The following CLDN16 variants were observed in gnomAD, a reference collection of about 807,000 sequenced individuals.
CLDN16 encodes the protein claudin 16, also known as claudin-16.
A neutral mutation model predicts 24.6 loss-of-function variants in CLDN16; 13 were observed. That is an observed-to-expected ratio of 0.53 (90% CI 0.34 to 0.84). The LOEUF (loss-of-function observed/expected upper bound fraction) is 0.84, where lower values mean the gene tolerates loss of function less well. Ranked by LOEUF, CLDN16 falls within the 40% of genes least tolerant of loss-of-function variation. The pLI, the probability that CLDN16 is intolerant of heterozygous loss-of-function variation, is 0.01. For missense variants in CLDN16, 298 were observed against 292.7 expected, an observed-to-expected ratio of 1.02 and a Z score of -0.13; for synonymous variants, 116 against 106.7, an observed-to-expected ratio of 1.09 and a Z score of -0.54.
chr3:190,399,602 A>G (rs1236548388), intron 1 of CLDN16, among the ~76,000 whole-genome samples: 1 of 152,236 alleles, frequency 6.6e-6, no homozygotes, highest in African/African-American at 2.4e-5. Flanking sequence ...ATGTTTTGAT[A>G]CATATAATGT....
At chr3:190,290,678 C>A in the CLDN16 span, among the ~76,000 whole-genome samples, 1 of 152,070 alleles carries the variant, frequency 6.6e-6, no homozygotes, top group African/African-American at 2.4e-5. Flanking sequence ...GTAATACAAC[C>A]TTTATCTTAC....
intron 2 of CLDN16, 70 bp from the exon 3 acceptor site, chr3:190,404,692 G>C: frequency 6.7e-7 from 1 of 1,491,114 alleles, no homozygotes; most frequent in Non-Finnish European, 9.3e-7. Context: ...TGTTTTTTTT[G>C]CTATGTCTCT....
chr3:190,357,424 A>G (rs138865493), intron 1 of CLDN16, among the ~76,000 whole-genome samples: 2 of 151,878 alleles, frequency 1.3e-5, no homozygotes, highest in Non-Finnish European at 2.9e-5. Context: ...TGCCTGGATT[A>G]ACATAACAAC....
At chr3:190,387,902 C>G, upstream of CLDN16, 1 of 583,434 alleles carries the variant, frequency 1.7e-6, no homozygotes, top group South Asian at 2.0e-5. Flanking sequence ...GAATAGCTCA[C>G]TCTCCCTAGA....
intron 4 of CLDN16, 114 bp from the exon 5 acceptor site, chr3:190,409,789 C>A: frequency 1.0e-6 from 1 of 965,844 alleles, no homozygotes. Flanking sequence ...CAAAATGATA[C>A]CTTCTTTGAG....
At chr3:190,390,550 AG>A (rs1718624194) in intron 1 of CLDN16, among the ~76,000 whole-genome samples, 1 of 152,018 alleles carries the variant, frequency 6.6e-6, no homozygotes, top group Non-Finnish European at 1.5e-5. Flanking sequence ...AAGAAGAAGA[AG>A]AAGAACCCTG....
intron 3 of CLDN16, among the ~76,000 whole-genome samples, chr3:190,406,552 G>C (rs1020141950): frequency 4.6e-5 from 7 of 152,058 alleles, no homozygotes; most frequent in African/African-American, 1.7e-4. Flanking sequence ...TAAATTGAAA[G>C]ACAAAGCATG....
chr3:190,393,458 A>C (rs1718730408), intron 1 of CLDN16, among the ~76,000 whole-genome samples: 1 of 152,222 alleles, frequency 6.6e-6, no homozygotes, highest in Admixed American at 6.5e-5. Flanking sequence ...TTTCCTATTC[A>C]GTAATGAGAG....
In CLDN16 at chr3:190,410,105, A is replaced by G; in HGVS notation, c.*69A>G. On this transcript the variant is annotated 3_prime_UTR_variant, in exon 5 of 5. Coordinates refer to ENST00000264734, the MANE Select transcript of CLDN16 (RefSeq NM_006580.4). Reference sequence around the variant, plus strand: ...GTATGGTTACATTGATAAAATAGTAAGTCAATCCAGGAACAGTTATTTAGA... The same window carrying G: ...GTATGGTTACATTGATAAAATAGTAGGTCAATCCAGGAACAGTTATTTAGA... 1 of 1,517,456 alleles carries G rather than the reference A, an allele frequency of 6.6e-7. No homozygotes were observed. Among genetic ancestry groups the G allele is most frequent in the Admixed American group, 1.7e-5 (1 of 59,846 alleles). The allele number at this position is 1,517,456 out of a possible 1,614,324, so 94.0% of individuals were successfully genotyped here.
the CLDN16 span, among the ~76,000 whole-genome samples, chr3:190,297,080 A>T: frequency 6.6e-6 from 1 of 152,022 alleles, no homozygotes; most frequent in Non-Finnish European, 1.5e-5. Flanking sequence ...GACACATATT[A>T]AACACAAAAT....
the CLDN16 span, among the ~76,000 whole-genome samples, chr3:190,315,993 G>A: frequency 6.6e-6 from 1 of 152,144 alleles, no homozygotes; most frequent in African/African-American, 2.4e-5. Flanking sequence ...TGCCCATTAA[G>A]TTCTCAAAGA....
intron 1 of CLDN16, among the ~76,000 whole-genome samples, chr3:190,355,605 T>A (rs1362148827): frequency 6.6e-6 from 1 of 151,858 alleles, no homozygotes; most frequent in African/African-American, 2.4e-5. Context: ...TTTATGGACT[T>A]TACATGTCAT....
intron 1 of CLDN16, among the ~76,000 whole-genome samples, chr3:190,331,627 C>A (rs1263313340): frequency 1.3e-5 from 2 of 152,190 alleles, no homozygotes; most frequent in Non-Finnish European, 2.9e-5. Context: ...TTGTTCATCA[C>A]TACTAGAGTG....
At chr3:190,319,626 G>T (rs2108614617), upstream of CLDN16, among the ~76,000 whole-genome samples, 1 of 152,328 alleles carries the variant, frequency 6.6e-6, no homozygotes, top group Middle Eastern at 3.4e-3. Flanking sequence ...GGGAAGACAA[G>T]TGTGCTCTAC....
intron 1 of CLDN16, among the ~76,000 whole-genome samples, chr3:190,355,018 T>C (rs1717739586): frequency 6.6e-6 from 1 of 151,934 alleles, no homozygotes; most frequent in African/African-American, 2.4e-5. Flanking sequence ...ATTCTAATGG[T>C]TTTTTCTTGG....
chr3:190,308,026 A>G, the CLDN16 span: 10 of 435,640 alleles, frequency 2.3e-5, no homozygotes, highest in Admixed American at 3.1e-4. Flanking sequence ...GTTGAGTATG[A>G]TTACTCAATG....
chr3:190,380,048 C>T (rs1718327839), intron 3 of CLDN16, among the ~76,000 whole-genome samples: 1 of 148,258 alleles, frequency 6.7e-6, no homozygotes, highest in Admixed American at 6.8e-5. Context: ...TCTTGAGTGG[C>T]ATTCTATTAA....
At chr3:190,314,200 G>T in the CLDN16 span, among the ~76,000 whole-genome samples, 1 of 152,122 alleles carries the variant, frequency 6.6e-6, no homozygotes, top group South Asian at 2.1e-4. Flanking sequence ...CTTTAAAAGT[G>T]GCTGAGATGT....
At position 190,411,543 on chromosome 3, in the gene CLDN16, CA is replaced by C. The variant is rs1291816668; in HGVS notation, c.*1508del. 1 of 151,800 alleles carries C rather than the reference CA, an allele frequency of 6.6e-6. No individual in the cohort carries two copies. Among genetic ancestry groups the C allele is most frequent in the East Asian group, 1.9e-4 (1 of 5,186 alleles). 9.4% of individuals were successfully genotyped at this position (151,800 alleles called of 1,614,324 possible). A position where few individuals can be genotyped will look rare whatever the true frequency, so the allele number is the denominator to read the frequency against. On this transcript the variant is annotated 3_prime_UTR_variant, in exon 5 of 5. Transcript: ENST00000264734. ...AACCTGAAAAGAATATCAACTCACC[CA>C]GAAATTAGTTCTTTGAAAAAAAAGA... is the stretch of plus-strand genomic sequence containing the variant.
Sources: gnomAD v4.1 joint callset for allele counts (sites outside exome capture counted in the v4.1 genomes callset) on GRCh38, gnomAD v4.1.1 for gene constraint, MANE v1.5 for transcripts, NCBI Gene and HGNC (gene_info 2026-07-23, HGNC 2026-07-21) for gene names.